UST: variants seen among roughly 807,000 people sequenced by gnomAD.
The protein encoded by UST is chondroitin sulfate 2-O-sulfotransferase.
In UST, 21 loss-of-function variants were observed where a neutral mutation model predicts 45.6. The ratio of observed to expected loss-of-function variants is 0.46; its 90% CI spans 0.33 to 0.66. UST has a LOEUF of 0.66. Among genes scored for constraint, UST ranks in the 30% least tolerant of loss-of-function variants. The pLI is 0.02. For synonymous variants in UST, 215 were observed against 200.6 expected (o/e 1.07, Z -0.61); for missense variants, 463 against 512.4 (o/e 0.90, Z 0.93).
Position 149,074,039 on chromosome 6 carries a change from C to T in UST, c.1144C>T (p.Pro382Ser). The T allele has an allele frequency of 6.2e-7, 1 of 1,614,194 alleles. No individual in the cohort carries two copies. The highest frequency in any genetic ancestry group is 8.5e-7 in the Non-Finnish European group (1 of 1,180,018). The change falls in exon 8 of 8, where the codon CCA becomes TCA. Residue 382 changes from proline to serine, a missense_variant. Around this residue, in one of 2 missense-constraint regions of UST, gnomAD observed 287 missense variants for 374.2 expected, o/e 0.77. Coordinates refer to ENST00000367463, the MANE Select transcript of UST (RefSeq NM_005715.3). Reference protein sequence around the residue: ...PLRPHFFIPTPLETEEPIDDE... With the variant: ...PLRPHFFIPTSLETEEPIDDE... ...GAGGCCACACTTCTTTATCCCAACTCCACTGGAAACCGAGGAGCCAATCGA... is the reference window on the plus strand; with the variant it reads ...GAGGCCACACTTCTTTATCCCAACTTCACTGGAAACCGAGGAGCCAATCGA...
chr6:148,949,445 C>T (rs1429612241), intron 3 of UST, among the ~76,000 whole-genome samples: 6 of 146,872 alleles, frequency 4.1e-5, no homozygotes, highest in Admixed American at 2.7e-4. Flanking sequence ...ATTACTTATT[C>T]ATGGGGTTCT....
At chr6:149,019,365 A>G (rs1775948804) in intron 6 of UST, 129 bp downstream of exon 6, 2 of 682,334 alleles carry the variant, frequency 2.9e-6, no homozygotes, top group Admixed American at 2.6e-5. Flanking sequence ...GTTCCTGTTT[A>G]CTATTAATCT....
chr6:148,904,778 C>A (rs1040019713), intron 2 of UST, among the ~76,000 whole-genome samples: 1 of 152,162 alleles, frequency 6.6e-6, no homozygotes, highest in African/African-American at 2.4e-5. Context: ...CTCAGTCTCC[C>A]AAAGTGCTAA....
intron 5 of UST, among the ~76,000 whole-genome samples, chr6:148,999,230 A>G (rs182710404): frequency 2.4e-3 from 373 of 152,282 alleles, no homozygotes; most frequent in African/African-American, 8.6e-3. Flanking sequence ...TTGTTTATTG[A>G]AAAACAGTAG....
intron 1 of UST, among the ~76,000 whole-genome samples, chr6:148,757,477 A>G (rs1380798016): frequency 6.6e-6 from 1 of 152,190 alleles, no homozygotes; most frequent in East Asian, 1.9e-4. Flanking sequence ...CCGTGGAATG[A>G]TGTGATTTTT....
intron 7 of UST, among the ~76,000 whole-genome samples, chr6:149,071,341 G>T (rs548887471): frequency 6.6e-6 from 1 of 152,242 alleles, no homozygotes; most frequent in South Asian, 2.1e-4. Context: ...TTTGGAAATA[G>T]CCATTTGGAA....
chr6:148,980,109 A>C (rs1003868723), intron 5 of UST, among the ~76,000 whole-genome samples: 14 of 152,266 alleles, frequency 9.2e-5, no homozygotes, highest in African/African-American at 3.4e-4. Context: ...GGTATCCGAT[A>C]AGAGTTTGTA....
chr6:149,011,753 A>G (rs1775815682), intron 5 of UST, among the ~76,000 whole-genome samples: 1 of 152,242 alleles, frequency 6.6e-6, no homozygotes, highest in Admixed American at 6.5e-5. Flanking sequence ...CAGAGGTTAC[A>G]GCGAGCCGAG....
chr6:148,986,035 A>G (rs1411004635), intron 5 of UST, among the ~76,000 whole-genome samples: 1 of 152,190 alleles, frequency 6.6e-6, no homozygotes, highest in Non-Finnish European at 1.5e-5. Flanking sequence ...TAGTTTTAAG[A>G]AAGTTTCAGT....
At chr6:148,807,806 C>A (rs1335285150) in intron 1 of UST, among the ~76,000 whole-genome samples, 1 of 152,074 alleles carries the variant, frequency 6.6e-6, no homozygotes, top group African/African-American at 2.4e-5. Flanking sequence ...GCAGAATCAC[C>A]CTGGATGCTT....
chr6:149,034,914 T>C (rs1244780656), intron 7 of UST, among the ~76,000 whole-genome samples: 1 of 147,274 alleles, frequency 6.8e-6, no homozygotes, highest in East Asian at 2.1e-4. Flanking sequence ...TGTCTCTTTA[T>C]TCCTTTTATG....
chr6:148,789,878 A>T (rs2114701536), intron 1 of UST, among the ~76,000 whole-genome samples: 1 of 152,180 alleles, frequency 6.6e-6, no homozygotes, highest in Admixed American at 6.5e-5. Context: ...GATTACAAGC[A>T]TGAGCCACTG....
intron 5 of UST, among the ~76,000 whole-genome samples, chr6:149,002,387 T>C (rs1312260231): frequency 6.6e-6 from 1 of 152,142 alleles, no homozygotes. Context: ...AATAGAAAGG[T>C]TCATTTACTA....
intron 7 of UST, among the ~76,000 whole-genome samples, chr6:149,069,176 G>A (rs971489602): frequency 7.9e-5 from 12 of 152,084 alleles, no homozygotes; most frequent in African/African-American, 2.2e-4. Flanking sequence ...TTACCACTGC[G>A]AATATTACTA....
In UST at chr6:149,071,494, G is replaced by A. The variant is rs376955862; in HGVS notation, c.938-2339G>A. Among the ~76,000 whole-genome samples the A allele has an allele frequency of 5.3e-5, 8 of 152,106 alleles. No individual in the cohort carries two copies. In the South Asian group the frequency reaches 1.7e-3, roughly 32 times the overall value. Reference sequence around the variant, plus strand: ...TCTTTAATATGACACCAAAAGACAGGCAATAAGAAGAAAACAGATAAAATG... The same window carrying A: ...TCTTTAATATGACACCAAAAGACAGACAATAAGAAGAAAACAGATAAAATG... On this transcript the variant is annotated intron_variant, in intron 7 of 7. Coordinates refer to ENST00000367463, the MANE Select transcript of UST (RefSeq NM_005715.3).
chr6:149,023,101 G>T (rs928002372), intron 7 of UST, among the ~76,000 whole-genome samples: 1 of 143,358 alleles, frequency 7.0e-6, no homozygotes. Context: ...CTTGTTCTAT[G>T]GTGTGTGTGT....
chr6:149,043,263 G>A (rs1260836746), intron 7 of UST, among the ~76,000 whole-genome samples: 4 of 150,870 alleles, frequency 2.7e-5, no homozygotes, highest in African/African-American at 4.9e-5. Flanking sequence ...GGTTTGTGCC[G>A]CCATACCCAC....
chr6:148,883,314 T>C (rs1289719817), intron 1 of UST, among the ~76,000 whole-genome samples: 2 of 152,332 alleles, frequency 1.3e-5, no homozygotes, highest in South Asian at 2.1e-4. Flanking sequence ...TAGAAGGAAG[T>C]GTGAGATGCC....
chr6:148,805,028 G>T (rs998706203), intron 1 of UST, among the ~76,000 whole-genome samples: 2 of 151,944 alleles, frequency 1.3e-5, no homozygotes, highest in African/African-American at 4.8e-5. Flanking sequence ...TATTTTTCCA[G>T]TGTGCTGTCC....
Sources: allele counts gnomAD v4.1 joint callset (sites outside exome capture counted in the v4.1 genomes callset), GRCh38; gene constraint gnomAD v4.1.1; regional missense constraint gnomAD v4.1.1; transcripts MANE v1.5; gene names NCBI Gene and HGNC (gene_info 2026-07-23, HGNC 2026-07-21).